Variants in POU2F1 observed in about 807,000 individuals in gnomAD.
The protein encoded by POU2F1 is POU class 2 homeobox 1, also known as POU domain, class 2, transcription factor 1.
Under a neutral mutation model 84.9 loss-of-function variants are expected in POU2F1, and 16 were observed. The ratio of observed to expected loss-of-function variants is 0.19; its 90% CI spans 0.13 to 0.29. POU2F1 has a LOEUF of 0.29. Ranked by LOEUF, POU2F1 falls within the 10% of genes least tolerant of loss-of-function variation. The pLI is 1.00. For synonymous variants in POU2F1, 368 were observed against 368.3 expected (o/e 1.00, Z 0.01); for missense variants, 738 against 942.6 (o/e 0.78, Z 2.84).
intron 15 of POU2F1, 38 bp downstream of exon 15, chr1:167,413,152 C>CGT (rs759290668): frequency 4.1e-6 from 6 of 1,464,192 alleles, no homozygotes; most frequent in African/African-American, 3.5e-5. Flanking sequence ...GTGGCATGCA[C>CGT]GTGTGTGTGA....
chr1:167,235,951 C>T (rs1005705905), intron 1 of POU2F1, among the ~76,000 whole-genome samples: 3 of 152,140 alleles, frequency 2.0e-5, no homozygotes, highest in Non-Finnish European at 2.9e-5. Flanking sequence ...TTGTACATGT[C>T]GTCAGGTTGC....
intron 13 of POU2F1, among the ~76,000 whole-genome samples, chr1:167,410,681 A>G (rs1158466932): frequency 6.6e-6 from 1 of 151,626 alleles, no homozygotes; most frequent in African/African-American, 2.4e-5. Context: ...ATGCCTGGCT[A>G]ATTTTTGTAT....
At chr1:167,329,212 C>A in intron 1 of POU2F1, 1 of 1,536,356 alleles carries the variant, frequency 6.5e-7, no homozygotes, top group South Asian at 1.2e-5. Context: ...CCTTCTTTCC[C>A]CACCCCAAAC....
At chr1:167,221,021 C>T in intron 1 of POU2F1, 63 bp downstream of exon 1, 2 of 1,373,278 alleles carry the variant, frequency 1.5e-6, no homozygotes, top group South Asian at 2.5e-5. Context: ...GCTGCCCCCC[C>T]CCGCGACTTA....
At chr1:167,345,336 T>C (rs568779500) in intron 2 of POU2F1, among the ~76,000 whole-genome samples, 85 of 152,142 alleles carry the variant, frequency 5.6e-4, no homozygotes, top group Admixed American at 3.7e-3. Context: ...TAAAGACAGA[T>C]TCAGATAGTA....
chr1:167,220,906 C>G lies in POU2F1; in HGVS notation c.9C>G (p.Asp3Glu). Residue 3 changes from aspartate (D) to glutamate (E), a missense_variant, in exon 1 of 16, where the codon GAC (aspartate) becomes GAG (glutamate). Coordinates refer to ENST00000367866, the MANE Select transcript of POU2F1 (RefSeq NM_002697.4). ...TGGTTAAAATATTCAAAATGGCGGA[C>G]GGAGGAGCAGCGAGTCAAGATGAGA... MA[D>E]GGAASQDESS... The G allele has an allele frequency of 6.5e-7, 1 of 1,534,900 alleles. No homozygotes were observed. Among genetic ancestry groups the G allele is most frequent in the Admixed American group, 2.0e-5 (1 of 50,982 alleles).
At chr1:167,265,657 T>C (rs1353830153) in intron 1 of POU2F1, among the ~76,000 whole-genome samples, 1 of 152,214 alleles carries the variant, frequency 6.6e-6, no homozygotes, top group East Asian at 1.9e-4. Context: ...CTTAGGGTTG[T>C]GGTTCTCAAA....
At chr1:167,293,243 C>G (rs114074387) in intron 1 of POU2F1, among the ~76,000 whole-genome samples, 1,999 of 152,232 alleles carry the variant, frequency 0.013, 12 homozygotes, top group Non-Finnish European at 0.019. Context: ...CTAGAAAACC[C>G]TAAAGACTCT....
At chr1:167,341,048 AAGCTG>A (rs1358635628) in intron 2 of POU2F1, among the ~76,000 whole-genome samples, 1 of 152,168 alleles carries the variant, frequency 6.6e-6, no homozygotes, top group African/African-American at 2.4e-5. Flanking sequence ...GAAACAGTCA[AAGCTG>A]AGATGGGGGA....
chr1:167,373,056 T>C (rs1029939863), intron 5 of POU2F1, among the ~76,000 whole-genome samples: 1 of 152,056 alleles, frequency 6.6e-6, no homozygotes, highest in African/African-American at 2.4e-5. Flanking sequence ...ATATATATTA[T>C]GTAAAAATTA....
chr1:167,367,781 T>C (rs1018434858), intron 3 of POU2F1, among the ~76,000 whole-genome samples: 1 of 152,136 alleles, frequency 6.6e-6, no homozygotes, highest in Non-Finnish European at 1.5e-5. Flanking sequence ...TATGTATGTA[T>C]GTACACGTAC....
Position 167,421,038 on chromosome 1 carries a change from G to A in POU2F1, c.*5228G>A, listed in dbSNP as rs1650619524. ...GGGTTAATTTGCTCATAACTGATAT[G>A]AGTTTGCTTTTATGTGTGTGTGGAA... On this transcript the variant is annotated 3_prime_UTR_variant, in exon 16 of 16. Transcript: ENST00000367866. The A allele has an allele frequency of 6.6e-6, 1 of 152,188 alleles. No individual in the cohort carries two copies. The highest frequency in any genetic ancestry group is 2.4e-5 in the African/African-American group (1 of 41,442). 9.4% of individuals were successfully genotyped at this position (152,188 alleles called of 1,614,324 possible). A position where few individuals can be genotyped will look rare whatever the true frequency, so the allele number is the denominator to read the frequency against.
chr1:167,269,946 T>C (rs948225868), intron 1 of POU2F1, among the ~76,000 whole-genome samples: 1 of 151,872 alleles, frequency 6.6e-6, no homozygotes, highest in Non-Finnish European at 1.5e-5. Flanking sequence ...GAGTCGAACT[T>C]AGGACAACGT....
Position 167,426,985 on chromosome 1 carries a change from T to A in POU2F1, c.*11175T>A, listed in dbSNP as rs1650996054. ...CTGATAACTTGCGTGCTGGACCTTG[T>A]TATCTGTGCCCCTGGGAGACACACG... On this transcript the variant is annotated 3_prime_UTR_variant, in exon 16 of 16. Transcript: ENST00000367866. 1 of 152,240 alleles carries A rather than the reference T, an allele frequency of 6.6e-6. No individual in the cohort carries two copies. The highest frequency in any genetic ancestry group is 6.5e-5 in the Admixed American group (1 of 15,282). 9.4% of individuals were successfully genotyped at this position (152,240 alleles called of 1,614,324 possible). A position where few individuals can be genotyped will look rare whatever the true frequency, so the allele number is the denominator to read the frequency against.
At chr1:167,230,612 T>G (rs1208784968) in intron 1 of POU2F1, among the ~76,000 whole-genome samples, 8 of 152,196 alleles carry the variant, frequency 5.3e-5, no homozygotes, top group Non-Finnish European at 1.0e-4. Flanking sequence ...GTCTGTCCAT[T>G]TCTTTATCTC....
At chr1:167,283,139 C>T (rs1238579648) in intron 1 of POU2F1, among the ~76,000 whole-genome samples, 1 of 152,022 alleles carries the variant, frequency 6.6e-6, no homozygotes, top group African/African-American at 2.4e-5. Flanking sequence ...ACATTGTGAC[C>T]CTTTTTTGAG....
At chr1:167,282,922 T>C (rs1046059069) in intron 1 of POU2F1, among the ~76,000 whole-genome samples, 5 of 152,250 alleles carry the variant, frequency 3.3e-5, no homozygotes, top group African/African-American at 1.2e-4. Context: ...GTCTCTGTTT[T>C]CTCATATGTA....
intron 2 of POU2F1, among the ~76,000 whole-genome samples, chr1:167,346,040 T>A (rs1426767964): frequency 2.0e-5 from 3 of 149,754 alleles, no homozygotes; most frequent in South Asian, 4.2e-4. Flanking sequence ...CTGGGCATGG[T>A]GGCACATGCC....
intron 2 of POU2F1, among the ~76,000 whole-genome samples, chr1:167,356,163 CTTTTT>C (rs1187844604): frequency 7.7e-6 from 1 of 129,854 alleles, no homozygotes; most frequent in Non-Finnish European, 1.7e-5. Context: ...TTTTCTTTTT[CTTTTT>C]TTTTTTTTTT....
Sources: allele counts gnomAD v4.1 joint callset (sites outside exome capture counted in the v4.1 genomes callset), GRCh38; gene constraint gnomAD v4.1.1; transcripts MANE v1.5; gene names NCBI Gene and HGNC (gene_info 2026-07-23, HGNC 2026-07-21).